Variants in CDS2 observed in about 807,000 individuals in gnomAD.
CDS2 encodes phosphatidate cytidylyltransferase 2.
CDS2 carries 47 observed loss-of-function variants against 59.0 expected under a neutral mutation model. The ratio of observed to expected loss-of-function variants is 0.80; its 90% confidence interval spans 0.63 to 1.02. CDS2 has a LOEUF of 1.02. Among genes scored for constraint, CDS2 ranks in the 50% least tolerant of loss-of-function variants. CDS2 has a pLI of 0.00. For missense variants in CDS2, 356 were observed against 558.9 expected (o/e 0.64, Z 3.66); for synonymous variants, 207 against 206.4 (o/e 1.00, Z -0.02).
chr20:5,127,331 C>T (rs904293568), intron 1 of CDS2, among the ~76,000 whole-genome samples, 182 bp downstream of exon 1: 11 of 152,072 alleles, frequency 7.2e-5, no homozygotes, highest in East Asian at 2.0e-4. Flanking sequence ...CGTCAGGGGT[C>T]GGCGGGTCGG....
rs2091112734 is a variant in CDS2, at chr20:5,191,329, A to T, written c.*1095A>T. 1 of 152,194 alleles carries T rather than the reference A, an allele frequency of 6.6e-6. No homozygotes were observed. Among genetic ancestry groups the T allele is most frequent in the Admixed American group, 6.5e-5 (1 of 15,286 alleles). The allele number at this position is 152,194 out of a possible 1,614,324, so 9.4% of individuals were successfully genotyped here. Reference sequence around the variant, plus strand: ...CTTGACTATTTTGAAGATTAAATGCACACTTTTTATATAATGTGACCAGTT... The same window carrying T: ...CTTGACTATTTTGAAGATTAAATGCTCACTTTTTATATAATGTGACCAGTT... On this transcript the variant is annotated 3_prime_UTR_variant, in exon 13 of 13. Transcript: ENST00000460006.
At chr20:5,175,823 T>C (rs1453842398) in intron 3 of CDS2, among the ~76,000 whole-genome samples, 3 of 152,090 alleles carry the variant, frequency 2.0e-5, no homozygotes, top group Non-Finnish European at 4.4e-5. Flanking sequence ...GACTTTATTA[T>C]TCCAACTCTG....
Position 5,131,010 on chromosome 20 carries a change from G to A in CDS2, c.57+3861G>A, listed in dbSNP as rs1307065327. Among the ~76,000 whole-genome samples the A allele has an allele frequency of 2.7e-5, 4 of 150,736 alleles. No homozygotes were observed. The South Asian group carries it at 6.3e-4, about 24-fold the overall frequency. On this transcript the variant is annotated intron_variant, in intron 1 of 12. Transcript: ENST00000460006. ...GAAGGCTGAGAGGCAGGAGAATGGC[G>A]TGAACCTGGGAGGCGGAGCTTGCAG...
chr20:5,185,627 G>T, intron 8 of CDS2, 131 bp from the exon 9 acceptor site: 1 of 713,064 alleles, frequency 1.4e-6, no homozygotes, highest in East Asian at 2.7e-5. Flanking sequence ...CCATATTTGG[G>T]GGAGCTTTAA....
intron 1 of CDS2, among the ~76,000 whole-genome samples, chr20:5,152,668 G>A (rs2090801995): frequency 6.6e-6 from 1 of 152,156 alleles, no homozygotes; most frequent in Non-Finnish European, 1.5e-5. Context: ...GCATGAACTC[G>A]GGAGGCGGAG....
At chr20:5,134,105 A>G (rs2122948998) in intron 1 of CDS2, among the ~76,000 whole-genome samples, 1 of 152,292 alleles carries the variant, frequency 6.6e-6, no homozygotes, top group Non-Finnish European at 1.5e-5. Flanking sequence ...TGGTTATCGG[A>G]TGACTGTGAT....
At chr20:5,134,944 A>G (rs1343421194) in intron 1 of CDS2, among the ~76,000 whole-genome samples, 1 of 152,196 alleles carries the variant, frequency 6.6e-6, no homozygotes, top group African/African-American at 2.4e-5. Flanking sequence ...GATTGTATAA[A>G]ACCTGCACTG....
At chr20:5,155,970 A>G (rs563295182) in intron 1 of CDS2, among the ~76,000 whole-genome samples, 44 of 152,262 alleles carry the variant, frequency 2.9e-4, no homozygotes, top group Non-Finnish European at 4.7e-4. Context: ...GGGATGGACT[A>G]GGATGGATTG....
intron 1 of CDS2, chr20:5,168,730 A>G: frequency 2.1e-6 from 1 of 478,374 alleles, no homozygotes; most frequent in Non-Finnish European, 4.2e-6. Flanking sequence ...GAGAGTTGAT[A>G]GTGAAAATGA....
intron 1 of CDS2, among the ~76,000 whole-genome samples, chr20:5,170,439 G>A (rs2090947620): frequency 1.3e-5 from 2 of 150,892 alleles, no homozygotes; most frequent in Admixed American, 6.6e-5. Flanking sequence ...GTGGGGAGGA[G>A]CTGGAAGACT....
chr20:5,176,526 C>A, intron 3 of CDS2, 122 bp from the exon 4 acceptor site: 1 of 726,000 alleles, frequency 1.4e-6, no homozygotes. Flanking sequence ...GGAAGCAGAA[C>A]CACTGGAGGC....
intron 1 of CDS2, among the ~76,000 whole-genome samples, chr20:5,155,720 C>T (rs1365529303): frequency 6.6e-6 from 1 of 152,206 alleles, no homozygotes; most frequent in Non-Finnish European, 1.5e-5. Flanking sequence ...TAAGGTAATA[C>T]TCTTCTTGCC....
At chr20:5,149,214 A>AT (rs557920625) in intron 1 of CDS2, among the ~76,000 whole-genome samples, 1 of 152,218 alleles carries the variant, frequency 6.6e-6, no homozygotes, top group South Asian at 2.1e-4. Flanking sequence ...TGTGAGAAAA[A>AT]TTGTTTCTCG....
intron 1 of CDS2, among the ~76,000 whole-genome samples, chr20:5,151,551 A>G (rs1171920291): frequency 1.3e-5 from 2 of 152,184 alleles, no homozygotes; most frequent in East Asian, 3.9e-4. Flanking sequence ...GCTTAAGCCC[A>G]AGAGTTCGAG....
At chr20:5,144,776 C>T (rs922310060) in intron 1 of CDS2, among the ~76,000 whole-genome samples, 5 of 152,078 alleles carry the variant, frequency 3.3e-5, no homozygotes, top group South Asian at 2.1e-4. Context: ...ATTAACAATC[C>T]GTGTATGTCT....
intron 1 of CDS2, among the ~76,000 whole-genome samples, chr20:5,141,415 A>G (rs2090692461): frequency 6.6e-6 from 1 of 152,194 alleles, no homozygotes; most frequent in Admixed American, 6.5e-5. Context: ...TGAGTAGCTG[A>G]ACATGTGGAG....
At chr20:5,160,068 A>C (rs1476105078) in intron 1 of CDS2, among the ~76,000 whole-genome samples, 2 of 152,194 alleles carry the variant, frequency 1.3e-5, no homozygotes, top group African/African-American at 4.8e-5. Flanking sequence ...GCCGATGATG[A>C]TGAAGCTGAG....
chr20:5,142,777 C>A (rs1040252344), intron 1 of CDS2, among the ~76,000 whole-genome samples: 1 of 152,114 alleles, frequency 6.6e-6, no homozygotes, highest in Non-Finnish European at 1.5e-5. Context: ...TGATGCAGGG[C>A]TAATTTCTAG....
At chr20:5,188,528 G>T (rs1343451868) in intron 10 of CDS2, among the ~76,000 whole-genome samples, 1 of 152,120 alleles carries the variant, frequency 6.6e-6, no homozygotes, top group Non-Finnish European at 1.5e-5. Context: ...TACAAAATGG[G>T]AAAAATTCAC....
Sources: gnomAD v4.1 joint callset for allele counts (sites outside exome capture counted in the v4.1 genomes callset) on GRCh38, gnomAD v4.1.1 for gene constraint, MANE v1.5 for transcripts, NCBI Gene and HGNC (gene_info 2026-07-23, HGNC 2026-07-21) for gene names.